LZTS3: variants seen among roughly 807,000 people sequenced by gnomAD.
LZTS3 encodes the protein leucine zipper putative tumor suppressor 3.
In LZTS3, 16 loss-of-function variants were observed where a neutral mutation model predicts 50.9. The ratio of observed to expected loss-of-function variants is 0.31; its 90% CI spans 0.21 to 0.48. The LOEUF (loss-of-function observed/expected upper bound fraction) is 0.48. Among genes scored for constraint, LZTS3 ranks in the 20% least tolerant of loss-of-function variants. The pLI is 0.99. For synonymous variants in LZTS3, 408 were observed against 410.6 expected (o/e 0.99, Z 0.08); for missense variants, 816 against 931.0 (o/e 0.88, Z 1.61).
chr20:3,171,287 G>T (rs558894558), intron 1 of LZTS3, among the ~76,000 whole-genome samples: 82 of 152,160 alleles, frequency 5.4e-4, no homozygotes, highest in African/African-American at 1.9e-3. Context: ...GCCTCGAGTC[G>T]TGGATGGAAA....
intron 1 of LZTS3, among the ~76,000 whole-genome samples, chr20:3,169,497 C>T (rs190411244): frequency 6.6e-6 from 1 of 152,208 alleles, no homozygotes; most frequent in Admixed American, 6.5e-5. Flanking sequence ...TGGGCACCAG[C>T]GTGCGTGTGA....
Position 3,165,242 on chromosome 20 carries a change from A to C in LZTS3, c.1324-90T>G. The C allele has an allele frequency of 7.5e-7, 1 of 1,329,628 alleles. No individual in the cohort carries two copies. The highest frequency in any genetic ancestry group is 2.6e-5 in the East Asian group (1 of 39,198). The allele number at this position is 1,329,628 out of a possible 1,614,324, so 82.4% of individuals were successfully genotyped here. On this transcript the variant is annotated intron_variant, in intron 4 of 4. Coordinates refer to ENST00000337576, the MANE Select transcript of LZTS3 (RefSeq NM_001365618.1). The surrounding 1 kb of genome is among the most constrained non-coding windows in gnomAD (Gnocchi z 5.0). Reference sequence around the variant, plus strand: ...TACCAGATCTGGAGCCAGGGGCACCAAGCTTCCCGGGGCTGCAGGCTCAGC... The same window carrying C: ...TACCAGATCTGGAGCCAGGGGCACCCAGCTTCCCGGGGCTGCAGGCTCAGC...
At position 3,166,265 on chromosome 20, in the gene LZTS3, C is replaced by T. The variant is rs1408941315; in HGVS notation, c.555G>A (p.Gly185=). ...MQNLCPPQTN[G]TPEGRQGPGG... ...CAGGGCCCTGCCGTCCCTCAGGAGT[C>T]CCATTGGTCTGCGGGGGGCACAAAT... The change falls in exon 4 of 5, where the codon GGG becomes GGA. Residue 185 remains glycine, a synonymous_variant. Transcript: ENST00000337576. 6.2e-7 allele frequency: 1 copy of T among 1,613,942 alleles called. No homozygotes were observed. The highest frequency in any genetic ancestry group is 1.1e-5 in the South Asian group (1 of 91,058).
intron 1 of LZTS3, among the ~76,000 whole-genome samples, chr20:3,171,798 A>G (rs2066906387): frequency 6.6e-6 from 1 of 152,170 alleles, no homozygotes; most frequent in Admixed American, 6.5e-5. Context: ...TGGTCTGCAA[A>G]GGCAGCCTCC....
rs1391454188 is a variant in LZTS3, at chr20:3,165,595, G to C, written c.1225C>G (p.Arg409Gly). The C allele has an allele frequency of 3.1e-6, 5 of 1,596,740 alleles. No individual in the cohort carries two copies. The highest frequency in any genetic ancestry group is 4.2e-6 in the Non-Finnish European group (5 of 1,178,854). ...AGCTCTTCCCGCTGCCGCATCAGCC[G>C]GGCCGCCTCCTCCTGCAGCTGCTTC... The part of the protein sequence containing the change: ...DKKQLQEEAA[R>G]LMRQREELED... Residue 409 changes from arginine to glycine, a missense_variant, in exon 4 of 5, where the codon CGG becomes GGG. This residue lies in a region of LZTS3 where 700 missense variants were observed against 769.4 expected (regional missense o/e 0.91). Transcript: ENST00000337576. This position sits in a 1 kb window ranked among gnomAD's most constrained non-coding sequence, Gnocchi z 5.0.
Position 3,165,395 on chromosome 20 carries a change from C to CCCCCCCCCCCA in LZTS3, c.1323+101_1323+102insTGGGGGGGGGG. 2.9e-6 allele frequency: 3 copies of CCCCCCCCCCCA among 1,046,380 alleles called. No individual in the cohort carries two copies. Among genetic ancestry groups the CCCCCCCCCCCA allele is most frequent in the Non-Finnish European group, 4.0e-6 (3 of 750,408 alleles). The allele number at this position is 1,046,380 out of a possible 1,614,324, so 64.8% of individuals were successfully genotyped here. On this transcript the variant is annotated intron_variant, in intron 4 of 4. Transcript: ENST00000337576. This position sits in a 1 kb window ranked among gnomAD's most constrained non-coding sequence, Gnocchi z 5.0. ...TTTGTCCCCCCTGCTCCTTTCATCC[C>CCCCCCCCCCCA]CCCCCCCATCCCACCGTTATGATAG... is the stretch of plus-strand genomic sequence containing the variant.
Position 3,164,695 on chromosome 20 carries a change from T to C in LZTS3, c.1781A>G (p.Gln594Arg). 6.3e-7 allele frequency: 1 copy of C among 1,585,940 alleles called. No individual in the cohort carries two copies. Among genetic ancestry groups the C allele is most frequent in the South Asian group, 1.1e-5 (1 of 88,700 alleles). The change falls in exon 5 of 5, where the codon CAG becomes CGG. Residue 594 changes from glutamine to arginine, a missense_variant. Physicochemically the swap from Gln to Arg is conservative, Grantham distance 43. Transcript: ENST00000337576. ...LAAERRARER[Q>R]GASFAEERRV... The stretch of plus-strand genomic sequence containing the variant: ...GCGCTCCTCGGCGAAGCTGGCACCC[T>C]GGCGCTCCCGGGCCCGCCGCTCAGC...
chr20:3,170,486 CAA>C (rs397955055), intron 1 of LZTS3, among the ~76,000 whole-genome samples: 13,607 of 72,328 alleles, frequency 0.19, 1,140 homozygotes, highest in Middle Eastern at 0.26. Flanking sequence ...GAGACTACAT[CAA>C]AAAAAAAAAA....
chr20:3,171,309 G>A (rs1332476665), intron 1 of LZTS3, among the ~76,000 whole-genome samples: 2 of 152,060 alleles, frequency 1.3e-5, no homozygotes, highest in African/African-American at 2.4e-5. Flanking sequence ...AAGGTCCCAG[G>A]ACCATTGTCC....
chr20:3,169,979 G>C (rs966565406), intron 1 of LZTS3, among the ~76,000 whole-genome samples: 1 of 150,654 alleles, frequency 6.6e-6, no homozygotes, highest in Non-Finnish European at 1.5e-5. Context: ...GAGCCAGGGA[G>C]CAAAGCCCCA....
In LZTS3 at chr20:3,164,891, G is replaced by A. The variant is rs756795903; in HGVS notation, c.1585C>T (p.Pro529Ser). 7 of 1,552,070 alleles carry A rather than the reference G, an allele frequency of 4.5e-6. No individual in the cohort carries two copies. The highest frequency in any genetic ancestry group is 5.2e-6 in the Non-Finnish European group (6 of 1,155,106). The part of the protein sequence containing the change: ...PALTPVDPAE[P>S]QDALATCESD... ...TCGCAGGTGGCCAGAGCATCCTGTG[G>A]CTCGGCCGGGTCCACGGGGGTCAGC... Residue 529 changes from proline to serine, a missense_variant, in exon 5 of 5, where the codon CCA (proline) becomes TCA (serine). Pro to Ser is a moderately conservative substitution (Grantham distance 74, BLOSUM62 -1). This residue lies in a region of LZTS3 where 700 missense variants were observed against 769.4 expected (regional missense o/e 0.91). Transcript: ENST00000337576.
chr20:3,166,723 G>A lies in LZTS3; in HGVS notation c.441C>T (p.Thr147=), dbSNP rs533775954. The change falls in exon 3 of 5, where the codon ACC becomes ACT. Residue 147 remains threonine, a synonymous_variant. Coordinates refer to ENST00000337576, the MANE Select transcript of LZTS3 (RefSeq NM_001365618.1). The part of the protein sequence containing the change: ...EPSHPPKLLA[T]SGKLDQCSEP... The stretch of plus-strand genomic sequence containing the variant: ...GACTGACCTGGTCTAGCTTGCCAGA[G>A]GTGGCCAGGAGCTTGGGTGGGTGGC... The A allele has an allele frequency of 4.3e-6, 7 of 1,613,654 alleles. No individual in the cohort carries two copies. The highest frequency in any genetic ancestry group is 4.0e-5 in the African/African-American group (3 of 75,062).
chr20:3,173,513 T>G lies in LZTS3; in HGVS notation c.-301A>C, dbSNP rs574530159. ...CACGGGCGCCACCGGCCCCGCTTGC[T>G]GGCGCAGCCCGAAGCACGCCCGGCG... On this transcript the variant is annotated 5_prime_UTR_variant, in exon 1 of 5. Transcript: ENST00000337576. 6.6e-6 allele frequency: 1 copy of G among 151,468 alleles called. No individual in the cohort carries two copies. Among genetic ancestry groups the G allele is most frequent in the African/African-American group, 2.4e-5 (1 of 41,358 alleles). The allele number at this position is 151,468 out of a possible 1,614,324, so 9.4% of individuals were successfully genotyped here.
In LZTS3 at chr20:3,168,975, G is replaced by A. The variant is rs555083762; in HGVS notation, c.-242-1014C>T. The stretch of plus-strand genomic sequence containing the variant: ...CAGGAATGAGAGCTCTAGGTTGTTG[G>A]AAAGTTCACTACCAAGCCTGTCCAC... On this transcript the variant is annotated intron_variant, in intron 1 of 4. Coordinates refer to ENST00000337576, the MANE Select transcript of LZTS3 (RefSeq NM_001365618.1). 1.9e-4 allele frequency among the ~76,000 whole-genome samples: 29 copies of A among 152,304 alleles called. No individual in the cohort carries two copies. The East Asian group carries it at 5.4e-3, about 28-fold the overall frequency.
chr20:3,164,850 C>A lies in LZTS3; in HGVS notation c.1626G>T (p.Lys542Asn), dbSNP rs866370558. 6.4e-7 allele frequency: 1 copy of A among 1,556,386 alleles called. No homozygotes were observed. Among genetic ancestry groups the A allele is most frequent in the Non-Finnish European group, 8.6e-7 (1 of 1,156,948 alleles). ...ALATCESDEA[K>N]MRRQAGVAAA... is the part of the protein sequence containing the mutation. ...CGGCCACCCCGGCCTGACGGCGCATCTTAGCCTCGTCGCTCTCGCAGGTGG... is the reference window on the plus strand; with the variant it reads ...CGGCCACCCCGGCCTGACGGCGCATATTAGCCTCGTCGCTCTCGCAGGTGG... The change falls in exon 5 of 5, where the codon AAG (lysine) becomes AAT (asparagine). Residue 542 changes from lysine to asparagine, a missense_variant. Physicochemically the swap from Lys to Asn is moderately conservative, Grantham distance 94. This residue lies in a region of LZTS3 where 700 missense variants were observed against 769.4 expected (regional missense o/e 0.91). Coordinates refer to ENST00000337576, the MANE Select transcript of LZTS3 (RefSeq NM_001365618.1).
At position 3,170,588 on chromosome 20, in the gene LZTS3, C is replaced by T. The variant is rs538832471; in HGVS notation, c.-242-2627G>A. 7.3e-5 allele frequency among the ~76,000 whole-genome samples: 11 copies of T among 150,278 alleles called. No individual in the cohort carries two copies. The East Asian group carries it at 9.8e-4, about 13-fold the overall frequency. ...GGTGGATCCCCTAAGATCAGGAGTT[C>T]GAGACCAGCCTGACCAACAGGGCGA... On this transcript the variant is annotated intron_variant, in intron 1 of 4. Transcript: ENST00000337576.
intron 1 of LZTS3, among the ~76,000 whole-genome samples, chr20:3,170,881 GT>G (rs771615661): frequency 4.3e-4 from 65 of 152,356 alleles, no homozygotes; most frequent in Non-Finnish European, 3.4e-4. Flanking sequence ...ACATGGCAGA[GT>G]TCCTGCTAAA....
rs1185324807 is a variant in LZTS3, at chr20:3,166,773, C to A, written c.391G>T (p.Ala131Ser). ...CTGGGCTCACGATACTGCGGTGGGG[C>A]TTTGTCACTGCCACCACTGCTGCTG... ...GSSSSGGSDK[A>S]PPQYREPSHP... The change falls in exon 3 of 5, where the codon GCC becomes TCC. Residue 131 changes from alanine to serine, a missense_variant. This residue lies in a region of LZTS3 where 700 missense variants were observed against 769.4 expected (regional missense o/e 0.91). Coordinates refer to ENST00000337576, the MANE Select transcript of LZTS3 (RefSeq NM_001365618.1). 1 of 1,613,894 alleles carries A rather than the reference C, an allele frequency of 6.2e-7. No individual in the cohort carries two copies.
intron 1 of LZTS3, among the ~76,000 whole-genome samples, chr20:3,168,992 C>A (rs375945362): frequency 6.6e-6 from 1 of 152,218 alleles, no homozygotes; most frequent in African/African-American, 2.4e-5. Context: ...CACTACCAAG[C>A]CTGTCCACTG....
Sources: gnomAD v4.1 joint callset for allele counts (sites outside exome capture counted in the v4.1 genomes callset) on GRCh38, gnomAD v4.1.1 for gene constraint, gnomAD v4.1.1 regional missense constraint, Gnocchi (gnomAD v3.1) non-coding constraint, MANE v1.5 for transcripts, NCBI Gene and HGNC (gene_info 2026-07-23, HGNC 2026-07-21) for gene names.